The following H2AC4 variants were observed in gnomAD, a reference collection of about 807,000 sequenced individuals.
The protein encoded by H2AC4 is H2A clustered histone 4.
H2AC4 carries 8 observed loss-of-function variants against 6.1 expected under a neutral mutation model. The ratio of observed to expected loss-of-function variants is 1.31; its 90% CI spans 0.77 to 2.36. The LOEUF is 2.36. Ranked by LOEUF, H2AC4 falls within the 30% of genes most tolerant of loss-of-function variation. The pLI is 0.00. For missense variants in H2AC4, 260 were observed against 180.4 expected (o/e 1.44, Z -2.53); for synonymous variants, 129 against 78.4 (o/e 1.64, Z -3.41).
At position 26,033,185 on chromosome 6, in the gene H2AC4, C is replaced by T. The variant is rs768055353; in HGVS notation, c.384G>A (p.Lys128=). The part of the protein sequence containing the change: ...PKKTESHHKA[K]GK ...ATGAAGCGTTAACTCTTCACTTTCC[C>T]TTGGCCTTATGATGGCTCTCAGTTT... is the stretch of plus-strand genomic sequence containing the variant. The change falls in exon 1 of 1, where the codon AAG becomes AAA. Residue 128 remains lysine (K), a synonymous_variant. Coordinates refer to ENST00000615868, the MANE Select transcript of H2AC4 (RefSeq NM_003513.3). 6.2e-7 allele frequency: 1 copy of T among 1,614,192 alleles called. No homozygotes were observed. Among genetic ancestry groups the T allele is most frequent in the South Asian group, 1.1e-5 (1 of 91,070 alleles).
rs1761497223 is a variant in H2AC4, at chr6:26,033,177, C to G, written c.392G>C (p.Ter131SerextTer?). Reference sequence around the variant, plus strand: ...AGCAGTGCATGAAGCGTTAACTCTTCACTTTCCCTTGGCCTTATGATGGCT... The same window carrying G: ...AGCAGTGCATGAAGCGTTAACTCTTGACTTTCCCTTGGCCTTATGATGGCT... ...TESHHKAKGK[*>S] is the part of the protein sequence containing the mutation. Residue 131 changes from the stop codon to serine, a stop_lost, in exon 1 of 1, where the codon TGA becomes TCA. Coordinates refer to ENST00000615868, the MANE Select transcript of H2AC4 (RefSeq NM_003513.3). 6.2e-7 allele frequency: 1 copy of G among 1,613,950 alleles called. No homozygotes were observed. The highest frequency in any genetic ancestry group is 8.5e-7 in the Non-Finnish European group (1 of 1,180,014).
rs765167833 is a variant in H2AC4 at position 26,033,444 on chromosome 6, T to A, written c.125A>T (p.Glu42Val). Residue 42 changes from glutamate (E) to valine (V), a missense_variant, in exon 1 of 1, where the codon GAG becomes GTG. Physicochemically the swap from Glu to Val is moderately radical, Grantham distance 121. Transcript: ENST00000615868. ...HRLLRKGNYS[E>V]RVGAGAPVYL... ...CACCGGCGCGCCAGCCCCGACGCGCTCGGAGTAGTTGCCTTTGCGGAGCAG... is the reference window on the plus strand; with the variant it reads ...CACCGGCGCGCCAGCCCCGACGCGCACGGAGTAGTTGCCTTTGCGGAGCAG... 1 of 1,614,070 alleles carries A rather than the reference T, an allele frequency of 6.2e-7. No individual in the cohort carries two copies. The highest frequency in any genetic ancestry group is 8.5e-7 in the Non-Finnish European group (1 of 1,180,006).
chr6:26,033,579 G>C lies in H2AC4; in HGVS notation c.-11C>G. 2.0e-6 allele frequency: 3 copies of C among 1,489,628 alleles called. No individual in the cohort carries two copies. Among genetic ancestry groups the C allele is most frequent in the Middle Eastern group, 1.7e-4 (1 of 5,792 alleles). 92.3% of individuals were successfully genotyped at this position (1,489,628 alleles called of 1,614,324 possible). On this transcript the variant is annotated 5_prime_UTR_variant, in exon 1 of 1. The change creates a new upstream start codon in the 5' untranslated region. Coordinates refer to ENST00000615868, the MANE Select transcript of H2AC4 (RefSeq NM_003513.3). ...GCCGCGACCAGACATAACTACTTCT[G>C]ATAAGGGAAAATCGCCACAAGAAAA...
chr6:26,033,423 G>T lies in H2AC4; in HGVS notation c.146C>A (p.Pro49Gln), dbSNP rs770202067. 5.6e-6 allele frequency: 9 copies of T among 1,614,032 alleles called. No individual in the cohort carries two copies. Among genetic ancestry groups the T allele is most frequent in the Non-Finnish European group, 7.6e-6 (9 of 1,179,958 alleles). Residue 49 changes from proline to glutamine, a missense_variant, in exon 1 of 1, where the codon CCG (proline) becomes CAG (glutamine). Coordinates refer to ENST00000615868, the MANE Select transcript of H2AC4 (RefSeq NM_003513.3). ...NYSERVGAGA[P>Q]VYLAAVLEYL... ...CTCAAGCACCGCCGCGAGATACACC[G>T]GCGCGCCAGCCCCGACGCGCTCGGA...
At position 26,033,228 on chromosome 6, in the gene H2AC4, G is replaced by A. The variant is rs1255541175; in HGVS notation, c.341C>T (p.Ala114Val). The change falls in exon 1 of 1, where the codon GCG becomes GTG. Residue 114 changes from alanine (A) to valine (V), a missense_variant. Ala to Val is a moderately conservative substitution (Grantham distance 64). Transcript: ENST00000615868. ...AQGGVLPNIQ[A>V]VLLPKKTESH... ...CTCAGTTTTCTTAGGCAGCAGCACC[G>A]CCTGAATATTAGGCAAAACGCCACC... 6.2e-7 allele frequency: 1 copy of A among 1,614,148 alleles called. No homozygotes were observed. The highest frequency in any genetic ancestry group is 8.5e-7 in the Non-Finnish European group (1 of 1,180,024).
Position 26,033,436 on chromosome 6 carries a change from C to G in H2AC4, c.133G>C (p.Gly45Arg), listed in dbSNP as rs145843332. The G allele has an allele frequency of 1.2e-6, 2 of 1,614,150 alleles. No individual in the cohort carries two copies. The highest frequency in any genetic ancestry group is 8.5e-7 in the Non-Finnish European group (1 of 1,180,016). ...GCGAGATACACCGGCGCGCCAGCCC[C>G]GACGCGCTCGGAGTAGTTGCCTTTG... is the stretch of plus-strand genomic sequence containing the variant. The part of the protein sequence containing the change: ...LRKGNYSERV[G>R]AGAPVYLAAV... Residue 45 changes from glycine to arginine, a missense_variant, in exon 1 of 1, where the codon GGG (glycine) becomes CGG (arginine). Coordinates refer to ENST00000615868, the MANE Select transcript of H2AC4 (RefSeq NM_003513.3).
Position 26,033,585 on chromosome 6 carries a change from G to GA in H2AC4, c.-18_-17insT, listed in dbSNP as rs386698209. On this transcript the variant is annotated 5_prime_UTR_variant, in exon 1 of 1. Coordinates refer to ENST00000615868, the MANE Select transcript of H2AC4 (RefSeq NM_003513.3). Reference sequence around the variant, plus strand: ...ACCAGACATAACTACTTCTGATAAGGGAAAATCGCCACAAGAAAATGTAAT... The same window carrying GA: ...ACCAGACATAACTACTTCTGATAAGGAGAAAATCGCCACAAGAAAATGTAAT... 1.7e-5 allele frequency: 20 copies of GA among 1,161,250 alleles called. No individual in the cohort carries two copies. The highest frequency in any genetic ancestry group is 9.5e-5 in the East Asian group (4 of 41,962). The allele number at this position is 1,161,250 out of a possible 1,614,324, so 71.9% of individuals were successfully genotyped here. A position where few individuals can be genotyped will look rare whatever the true frequency, so the allele number is the denominator to read the frequency against.
In H2AC4 at chr6:26,033,582, A is replaced by AAAT; in HGVS notation, c.-15_-14insATT. ...GCGACCAGACATAACTACTTCTGAT[A>AAAT]AGGGAAAATCGCCACAAGAAAATGT... On this transcript the variant is annotated 5_prime_UTR_variant, in exon 1 of 1. Transcript: ENST00000615868. 1.3e-6 allele frequency: 2 copies of AAAT among 1,489,228 alleles called. No homozygotes were observed. Among genetic ancestry groups the AAAT allele is most frequent in the Non-Finnish European group, 1.8e-6 (2 of 1,129,934 alleles). 92.3% of individuals were successfully genotyped at this position (1,489,228 alleles called of 1,614,324 possible).
Position 26,033,536 on chromosome 6 carries a change from A to G in H2AC4, c.33T>C (p.Ala11=). The G allele has an allele frequency of 6.2e-7, 1 of 1,613,620 alleles. No homozygotes were observed. Among genetic ancestry groups the G allele is most frequent in the East Asian group, 2.2e-5 (1 of 44,826 alleles). MSGRGKQGGK[A]RAKAKTRSSR... Reference sequence around the variant, plus strand: ...AAGACCGAGTCTTAGCCTTGGCGCGAGCTTTACCGCCTTGTTTGCCGCGAC... The same window carrying G: ...AAGACCGAGTCTTAGCCTTGGCGCGGGCTTTACCGCCTTGTTTGCCGCGAC... Residue 11 remains alanine, a synonymous_variant, in exon 1 of 1, where the codon GCT becomes GCC. Coordinates refer to ENST00000615868, the MANE Select transcript of H2AC4 (RefSeq NM_003513.3).
rs1288380116 is a variant in H2AC4, at chr6:26,033,159, C to T, written c.*17G>A. ...GTCTGCTGACAGAAAAACAGCAGTG[C>T]ATGAAGCGTTAACTCTTCACTTTCC... On this transcript the variant is annotated 3_prime_UTR_variant, in exon 1 of 1. Transcript: ENST00000615868. 3 of 1,613,312 alleles carry T rather than the reference C, an allele frequency of 1.9e-6. No homozygotes were observed. The highest frequency in any genetic ancestry group is 1.3e-5 in the African/African-American group (1 of 74,880).
rs1306945307 is a variant in H2AC4 at position 26,033,574 on chromosome 6, C to T, written c.-6G>A. The T allele has an allele frequency of 6.6e-7, 1 of 1,520,296 alleles. No individual in the cohort carries two copies. The highest frequency in any genetic ancestry group is 8.7e-7 in the Non-Finnish European group (1 of 1,146,944). The allele number at this position is 1,520,296 out of a possible 1,614,324, so 94.2% of individuals were successfully genotyped here. On this transcript the variant is annotated 5_prime_UTR_variant, in exon 1 of 1. Coordinates refer to ENST00000615868, the MANE Select transcript of H2AC4 (RefSeq NM_003513.3). ...TGTTTGCCGCGACCAGACATAACTACTTCTGATAAGGGAAAATCGCCACAA... is the reference window on the plus strand; with the variant it reads ...TGTTTGCCGCGACCAGACATAACTATTTCTGATAAGGGAAAATCGCCACAA...
At position 26,033,612 on chromosome 6, in the gene H2AC4, A is replaced by G. The variant is rs557727062; in HGVS notation, c.-44T>C. On this transcript the variant is annotated 5_prime_UTR_variant, in exon 1 of 1. Transcript: ENST00000615868. ...AAAATCGCCACAAGAAAATGTAATG[A>G]AACTACATTAGAACGCAAGGCAGAG... 1 of 1,594,514 alleles carries G rather than the reference A, an allele frequency of 6.3e-7. No homozygotes were observed. The highest frequency in any genetic ancestry group is 1.1e-5 in the South Asian group (1 of 89,952).
Position 26,033,122 on chromosome 6 carries a change from T to TA in H2AC4, c.*53dup. On this transcript the variant is annotated 3_prime_UTR_variant, in exon 1 of 1. Transcript: ENST00000615868. ...TGGCTCTGAAAAGAGCCTTTGCTGTTAGGCTGATTTTGTCTGCTGACAGAA... is the reference window on the plus strand; with the variant it reads ...TGGCTCTGAAAAGAGCCTTTGCTGTTAAGGCTGATTTTGTCTGCTGACAGAA... 6.3e-7 allele frequency: 1 copy of TA among 1,598,640 alleles called. No individual in the cohort carries two copies. The highest frequency in any genetic ancestry group is 2.2e-5 in the East Asian group (1 of 44,802).
rs756402055 is a variant in H2AC4, at chr6:26,033,449, G to GTAGTT, written c.115_119dup (p.Tyr40Ter). ...GCGCGCCAGCCCCGACGCGCTCGGA[G>GTAGTT]TAGTTGCCTTTGCGGAGCAGGCGGT... On this transcript the variant is annotated stop_gained and frameshift_variant, in exon 1 of 1. Transcript: ENST00000615868. LOFTEE classifies it high-confidence loss of function. The GTAGTT allele has an allele frequency of 6.2e-7, 1 of 1,614,210 alleles. No homozygotes were observed. The highest frequency in any genetic ancestry group is 1.1e-5 in the South Asian group (1 of 91,084).
chr6:26,033,581 T>C lies in H2AC4; in HGVS notation c.-13A>G. 3.1e-6 allele frequency: 5 copies of C among 1,604,576 alleles called. No homozygotes were observed. Among genetic ancestry groups the C allele is most frequent in the Non-Finnish European group, 3.4e-6 (4 of 1,176,342 alleles). On this transcript the variant is annotated 5_prime_UTR_variant, in exon 1 of 1. Transcript: ENST00000615868. ...CGCGACCAGACATAACTACTTCTGATAAGGGAAAATCGCCACAAGAAAATG... is the reference window on the plus strand; with the variant it reads ...CGCGACCAGACATAACTACTTCTGACAAGGGAAAATCGCCACAAGAAAATG...
rs199820035 is a variant in H2AC4 at position 26,033,395 on chromosome 6, G to A, written c.174C>T (p.Tyr58=). 20 of 1,614,016 alleles carry A rather than the reference G, an allele frequency of 1.2e-5. 1 individual carries two copies. The highest frequency in any genetic ancestry group is 1.1e-4 in the East Asian group (5 of 44,866). The change falls in exon 1 of 1, where the codon TAC becomes TAT. Residue 58 remains tyrosine (Y), a synonymous_variant. Coordinates refer to ENST00000615868, the MANE Select transcript of H2AC4 (RefSeq NM_003513.3). ...CCAGCTCCAGGATCTCGGCGGTCAG[G>A]TACTCAAGCACCGCCGCGAGATACA... The part of the protein sequence containing the change: ...APVYLAAVLE[Y]LTAEILELAG...
rs772726939 is a variant in H2AC4, at chr6:26,033,430, C to T, written c.139G>A (p.Gly47Ser). The change falls in exon 1 of 1, where the codon GGC (glycine) becomes AGC (serine). Residue 47 changes from glycine to serine, a missense_variant. By Grantham distance (56) the Gly-to-Ser change is moderately conservative. Transcript: ENST00000615868. ...KGNYSERVGA[G>S]APVYLAAVLE... The stretch of plus-strand genomic sequence containing the variant: ...ACCGCCGCGAGATACACCGGCGCGC[C>T]AGCCCCGACGCGCTCGGAGTAGTTG... 3 of 1,614,148 alleles carry T rather than the reference C, an allele frequency of 1.9e-6. No individual in the cohort carries two copies. The highest frequency in any genetic ancestry group is 2.2e-5 in the South Asian group (2 of 91,082).
Position 26,033,149 on chromosome 6 carries a change from A to G in H2AC4, c.*27T>C. 3 of 1,606,156 alleles carry G rather than the reference A, an allele frequency of 1.9e-6. No individual in the cohort carries two copies. The highest frequency in any genetic ancestry group is 2.5e-6 in the Non-Finnish European group (3 of 1,178,040). ...GGCTGATTTTGTCTGCTGACAGAAA[A>G]ACAGCAGTGCATGAAGCGTTAACTC... On this transcript the variant is annotated 3_prime_UTR_variant, in exon 1 of 1. Transcript: ENST00000615868.
Position 26,033,200 on chromosome 6 carries a change from GCT to G in H2AC4, c.367_368del (p.Ser123ProfsTer3), listed in dbSNP as rs760712565. 2.1e-5 allele frequency: 34 copies of G among 1,614,050 alleles called. No individual in the cohort carries two copies. The East Asian group carries it at 2.7e-4, about 13-fold the overall frequency. On this transcript the variant is annotated frameshift_variant, in exon 1 of 1. Coordinates refer to ENST00000615868, the MANE Select transcript of H2AC4 (RefSeq NM_003513.3). LOFTEE classifies it high-confidence loss of function. ...TTCACTTTCCCTTGGCCTTATGATGGCTCTCAGTTTTCTTAGGCAGCAGCACC... is the reference window on the plus strand; with the variant it reads ...TTCACTTTCCCTTGGCCTTATGATGGCTCAGTTTTCTTAGGCAGCAGCACC... ...QAVLLPKKTESHHKAKGK is the reference protein window; with the variant it reads ...QAVLLPKKTEXHHKAKGK
Sources: allele counts gnomAD v4.1 joint callset, GRCh38; gene constraint gnomAD v4.1.1; transcripts MANE v1.5; gene names NCBI Gene and HGNC (gene_info 2026-07-23, HGNC 2026-07-21).